The following UNC5CL variants were observed in gnomAD, a reference collection of about 807,000 sequenced individuals.
UNC5CL encodes unc-5 family C-terminal like.
UNC5CL carries 42 observed loss-of-function variants against 54.1 expected under a neutral mutation model. The observed-to-expected ratio is 0.78, with a 90% confidence interval of 0.61 to 1.00. UNC5CL has a LOEUF of 1.00. Among genes scored for constraint, UNC5CL ranks in the 50% least tolerant of loss-of-function variants. UNC5CL has a pLI of 0.00. For synonymous variants in UNC5CL, 285 were observed against 285.1 expected (o/e 1.00, Z 0.00); for missense variants, 619 against 675.6 (o/e 0.92, Z 0.93).
In UNC5CL at chr6:41,031,946, C is replaced by A. The variant is rs982972163; in HGVS notation, c.1051+90G>T. 6.2e-5 allele frequency: 86 copies of A among 1,386,548 alleles called. No homozygotes were observed. The South Asian group carries it at 1.0e-3, about 16-fold the overall frequency. The allele number at this position is 1,386,548 out of a possible 1,614,324, so 85.9% of individuals were successfully genotyped here. A position where few individuals can be genotyped will look rare whatever the true frequency, so the allele number is the denominator to read the frequency against. ...TCTGTGTGCATGGCTGCATGGGGGT[C>A]TGCAGAGCTCCAGGGTTACTGGGAG... is the stretch of plus-strand genomic sequence containing the variant. On this transcript the variant is annotated intron_variant, in intron 5 of 8. Coordinates refer to ENST00000244565, the MANE Select transcript of UNC5CL (RefSeq NM_173561.3).
At chr6:41,031,979 G>A (rs1343613759) in intron 5 of UNC5CL, 57 bp downstream of exon 5, 2 of 1,558,324 alleles carry the variant, frequency 1.3e-6, no homozygotes. Context: ...GAGGGAAGGA[G>A]AGGAGACAGG....
chr6:41,035,035 G>C lies in UNC5CL; in HGVS notation c.40C>G (p.Leu14Val), dbSNP rs778037261. The C allele has an allele frequency of 3.0e-5, 48 of 1,592,366 alleles. No homozygotes were observed. The highest frequency in any genetic ancestry group is 4.1e-4 in the Middle Eastern group (2 of 4,922). Residue 14 changes from leucine (L) to valine (V), a missense_variant, in exon 2 of 9, where the codon CTA (leucine) becomes GTA (valine). By Grantham distance (32) the Leu-to-Val change is conservative. Coordinates refer to ENST00000244565, the MANE Select transcript of UNC5CL (RefSeq NM_173561.3). ...QESSFQPSQF[L>V]LLVGVPVASV... Reference sequence around the variant, plus strand: ...GCCACTGGGACCCCCACCAGCAGTAGGAACTGGGAGGGTTGGAATGAACTC... The same window carrying C: ...GCCACTGGGACCCCCACCAGCAGTACGAACTGGGAGGGTTGGAATGAACTC...
intron 1 of UNC5CL, 45 bp downstream of exon 1, chr6:41,039,117 A>G (rs937932620): frequency 4.6e-5 from 7 of 152,302 alleles, no homozygotes; most frequent in African/African-American, 1.7e-4. Context: ...CCCCATCACA[A>G]TGCCCATCCC....
chr6:41,035,171 C>T, intron 1 of UNC5CL, 36 bp from the exon 2 acceptor site: 1 of 1,464,446 alleles, frequency 6.8e-7, no homozygotes, highest in Non-Finnish European at 9.0e-7. Flanking sequence ...CAGGGTAAGC[C>T]CTTTTAAGTT....
At position 41,029,678 on chromosome 6, in the gene UNC5CL, A is replaced by C. The variant is rs1421610564; in HGVS notation, c.1334+710T>G. Among the ~76,000 whole-genome samples, 1 of 152,178 alleles carries C rather than the reference A, an allele frequency of 6.6e-6. No individual in the cohort carries two copies. The highest frequency in any genetic ancestry group is 2.4e-5 in the African/African-American group (1 of 41,446). ...CTGGTGAAACCCCGTCTGTACTAAAAATAAAAAATTAGCTGGACATGGTGG... is the reference window on the plus strand; with the variant it reads ...CTGGTGAAACCCCGTCTGTACTAAACATAAAAAATTAGCTGGACATGGTGG... On this transcript the variant is annotated intron_variant, in intron 8 of 8. Coordinates refer to ENST00000244565, the MANE Select transcript of UNC5CL (RefSeq NM_173561.3). The surrounding 1 kb of genome is among the most constrained non-coding windows in gnomAD (Gnocchi z 4.1).
rs914454708 is a variant in UNC5CL at position 41,028,076 on chromosome 6, G to A, written c.*297C>T. Reference sequence around the variant, plus strand: ...TTTAGGGCCTGACCGGCCCTAAAGTGCACGCGGGGACCGTGGCCGTCCCCT... The same window carrying A: ...TTTAGGGCCTGACCGGCCCTAAAGTACACGCGGGGACCGTGGCCGTCCCCT... On this transcript the variant is annotated 3_prime_UTR_variant, in exon 9 of 9. Coordinates refer to ENST00000244565, the MANE Select transcript of UNC5CL (RefSeq NM_173561.3). This position sits in a 1 kb window ranked among gnomAD's most constrained non-coding sequence, Gnocchi z 4.3. 1 of 448,094 alleles carries A rather than the reference G, an allele frequency of 2.2e-6. No homozygotes were observed. The highest frequency in any genetic ancestry group is 4.0e-6 in the Non-Finnish European group (1 of 250,828). The allele number at this position is 448,094 out of a possible 1,614,324, so 27.8% of individuals were successfully genotyped here.
At chr6:41,031,826 T>G in intron 5 of UNC5CL, 78 bp from the exon 6 acceptor site, 5 of 1,481,868 alleles carry the variant, frequency 3.4e-6, no homozygotes, top group Non-Finnish European at 4.7e-6. Flanking sequence ...TAAGGGACTC[T>G]ATAGTAAGAC....
chr6:41,033,906 A>G lies in UNC5CL; in HGVS notation c.661T>C (p.Cys221Arg). 6.2e-7 allele frequency: 1 copy of G among 1,613,702 alleles called. No homozygotes were observed. The highest frequency in any genetic ancestry group is 8.5e-7 in the Non-Finnish European group (1 of 1,179,816). Residue 221 changes from cysteine to arginine, a missense_variant, in exon 3 of 9, where the codon TGT becomes CGT. By Grantham distance (180) the Cys-to-Arg change is radical. Coordinates refer to ENST00000244565, the MANE Select transcript of UNC5CL (RefSeq NM_173561.3). ...RPGAHASRDE[C>R]RIHLSHFSLY... Reference sequence around the variant, plus strand: ...CTGAAGTGGGAGAGGTGGATGCGACACTCATCCCGGGAGGCGTGGGCCCCC... The same window carrying G: ...CTGAAGTGGGAGAGGTGGATGCGACGCTCATCCCGGGAGGCGTGGGCCCCC...
Position 41,034,133 on chromosome 6 carries a change from C to A in UNC5CL, c.434G>T (p.Trp145Leu), listed in dbSNP as rs1181053137. ...CAGCGATGGGGCGTCCGACAGGTCC[C>A]ACACCAGGATCAAAGACACCCGCTC... The part of the protein sequence containing the change: ...RQERVSLILV[W>L]DLSDAPSLSQ... Residue 145 changes from tryptophan (W) to leucine (L), a missense_variant, in exon 3 of 9, where the codon TGG becomes TTG. Trp to Leu is a moderately conservative substitution (Grantham distance 61). Transcript: ENST00000244565. 6.2e-7 allele frequency: 1 copy of A among 1,613,516 alleles called. No individual in the cohort carries two copies. Among genetic ancestry groups the A allele is most frequent in the Admixed American group, 1.7e-5 (1 of 59,950 alleles).
chr6:41,030,767 C>T lies in UNC5CL; in HGVS notation c.1120-12G>A, dbSNP rs368752924. 6 of 1,613,360 alleles carry T rather than the reference C, an allele frequency of 3.7e-6. No individual in the cohort carries two copies. The highest frequency in any genetic ancestry group is 5.1e-6 in the Non-Finnish European group (6 of 1,179,580). The stretch of plus-strand genomic sequence containing the variant: ...TTGGTCTCCAAGCCCTGAGTCAACA[C>T]AGGGCAGGGAACACACTTAGGGGTC... On this transcript the variant is annotated splice_polypyrimidine_tract_variant and intron_variant, in intron 6 of 8. Coordinates refer to ENST00000244565, the MANE Select transcript of UNC5CL (RefSeq NM_173561.3).
In UNC5CL at chr6:41,033,841, G is replaced by A. The variant is rs771159064; in HGVS notation, c.686+40C>T. 5.7e-6 allele frequency: 9 copies of A among 1,589,580 alleles called. No individual in the cohort carries two copies. In the African/African-American group the frequency reaches 9.4e-5, roughly 17 times the overall value. ...GTGGGCAGGAAAGACAGTCCTCAGAGAGATGGGTGTGGGAAGACAGGCCAA... is the reference window on the plus strand; with the variant it reads ...GTGGGCAGGAAAGACAGTCCTCAGAAAGATGGGTGTGGGAAGACAGGCCAA... On this transcript the variant is annotated intron_variant, in intron 3 of 8. Coordinates refer to ENST00000244565, the MANE Select transcript of UNC5CL (RefSeq NM_173561.3).
intron 5 of UNC5CL, 136 bp downstream of exon 5, chr6:41,031,900 C>T (rs1221484725): frequency 2.5e-6 from 3 of 1,221,958 alleles, no homozygotes; most frequent in Admixed American, 3.7e-5. Context: ...ATCTGTGTGG[C>T]TCCTGGCCTT....
chr6:41,037,526 T>C (rs796263625), intron 1 of UNC5CL, among the ~76,000 whole-genome samples: 5 of 152,210 alleles, frequency 3.3e-5, no homozygotes, highest in African/African-American at 1.2e-4. Context: ...TCAGGACCCA[T>C]GAAAACTGAA....
At chr6:41,033,717 C>G (rs770054952) in intron 3 of UNC5CL, 164 bp downstream of exon 3, 43 of 753,064 alleles carry the variant, frequency 5.7e-5, no homozygotes, top group Non-Finnish European at 7.9e-5. Context: ...AAAACTGCTA[C>G]AAACATTAGG....
rs1344077712 is a variant in UNC5CL at position 41,029,092 on chromosome 6, T to C, written c.1335-497A>G. Among the ~76,000 whole-genome samples the C allele has an allele frequency of 6.6e-6, 1 of 152,130 alleles. No homozygotes were observed. The highest frequency in any genetic ancestry group is 1.5e-5 in the Non-Finnish European group (1 of 68,010). On this transcript the variant is annotated intron_variant, in intron 8 of 8. Transcript: ENST00000244565. This position sits in a 1 kb window ranked among gnomAD's most constrained non-coding sequence, Gnocchi z 4.1. ...AAACCTTCCAGAGTCTCTCACCTCC[T>C]AACCAGCCCACGCTCCATGAGCCTT...
chr6:41,033,547 C>T (rs146310634), intron 3 of UNC5CL: 4 of 503,538 alleles, frequency 7.9e-6, no homozygotes, highest in African/African-American at 7.7e-5. Flanking sequence ...TGGGGACAGT[C>T]CTGAAAGGGG....
Position 41,030,486 on chromosome 6 carries a change from G to C in UNC5CL, c.1236C>G (p.Leu412=), listed in dbSNP as rs779189087. 11 of 1,614,094 alleles carry C rather than the reference G, an allele frequency of 6.8e-6. No individual in the cohort carries two copies. The highest frequency in any genetic ancestry group is 9.3e-6 in the Non-Finnish European group (11 of 1,180,050). The change falls in exon 8 of 9, where the codon CTC becomes CTG. Residue 412 remains leucine, a synonymous_variant. Transcript: ENST00000244565. The part of the protein sequence containing the change: ...PPPCNRLPPE[L]FEQLRMLLEP... ...CCAATAACATCCGCAGCTGCTCAAAGAGCTCTGGGGGCAGCCTTAGGCAGG... is the reference window on the plus strand; with the variant it reads ...CCAATAACATCCGCAGCTGCTCAAACAGCTCTGGGGGCAGCCTTAGGCAGG...
chr6:41,033,999 G>A lies in UNC5CL; in HGVS notation c.568C>T (p.His190Tyr), dbSNP rs766415702. Residue 190 changes from histidine to tyrosine, a missense_variant, in exon 3 of 9, where the codon CAT becomes TAT. His to Tyr is a moderately conservative substitution (Grantham distance 83, BLOSUM62 2). Coordinates refer to ENST00000244565, the MANE Select transcript of UNC5CL (RefSeq NM_173561.3). Reference sequence around the variant, plus strand: ...GTGTTGCTGCTGTAGGTGCGAGCATGGCTGGGCTGCTCGGCACAGTGTTTG... The same window carrying A: ...GTGTTGCTGCTGTAGGTGCGAGCATAGCTGGGCTGCTCGGCACAGTGTTTG... The part of the protein sequence containing the change: ...TFKHCAEQPS[H>Y]ARTYSSNTTL... 1.4e-4 allele frequency: 222 copies of A among 1,614,060 alleles called. No individual in the cohort carries two copies. Among genetic ancestry groups the A allele is most frequent in the Non-Finnish European group, 1.9e-4 (221 of 1,180,026 alleles).
chr6:41,032,234 G>A, intron 4 of UNC5CL, 97 bp from the exon 5 acceptor site: 2 of 1,004,654 alleles, frequency 2.0e-6, no homozygotes, highest in South Asian at 2.8e-5. Flanking sequence ...AACAAAGGCA[G>A]GAGGGTCTCA....
Sources: allele counts gnomAD v4.1 joint callset (sites outside exome capture counted in the v4.1 genomes callset), GRCh38; gene constraint gnomAD v4.1.1; non-coding constraint Gnocchi (gnomAD v3.1); transcripts MANE v1.5; gene names NCBI Gene and HGNC (gene_info 2026-07-23, HGNC 2026-07-21).